The following ADH1C variants were observed in gnomAD, a reference collection of about 807,000 sequenced individuals.
The protein encoded by ADH1C is alcohol dehydrogenase 1C.
A neutral mutation model predicts 35.0 loss-of-function variants in ADH1C; 26 were observed. The observed-to-expected ratio is 0.74, with a 90% CI of 0.54 to 1.03. The LOEUF is 1.03. Among genes scored for constraint, ADH1C ranks in the 50% least tolerant of loss-of-function variants. ADH1C has a pLI of 0.00. For synonymous variants in ADH1C, 170 were observed against 169.3 expected, an observed-to-expected ratio of 1.00 and a Z score of -0.03; for missense variants, 413 against 465.4, an observed-to-expected ratio of 0.89 and a Z score of 1.04.
intron 1 of ADH1C, among the ~76,000 whole-genome samples, chr4:99,352,138 G>T (rs1399090810): frequency 6.6e-5 from 10 of 152,160 alleles, no homozygotes; most frequent in Non-Finnish European, 4.4e-5. Context: ...TGAGTATTTT[G>T]TAAGATATTT....
At chr4:99,349,805 CTGTGTGTGTGTG>C (rs70956001) in intron 1 of ADH1C, among the ~76,000 whole-genome samples, 1 of 84,382 alleles carries the variant, frequency 1.2e-5, no homozygotes, top group African/African-American at 3.2e-5. Flanking sequence ...ATGTGTGTTT[CTGTGTGTGTGTG>C]TGTGTGTGTG....
chr4:99,352,126 AAT>A (rs1734691548), intron 1 of ADH1C, among the ~76,000 whole-genome samples: 1 of 152,250 alleles, frequency 6.6e-6, no homozygotes, highest in South Asian at 2.1e-4. Flanking sequence ...CTGTGAGATC[AAT>A]GAGTATTTTG....
chr4:99,347,612 G>C, intron 2 of ADH1C, 133 bp downstream of exon 2: 1 of 981,856 alleles, frequency 1.0e-6, no homozygotes, highest in Non-Finnish European at 1.4e-6. Context: ...TACTTTCCTT[G>C]ACAACAAATG....
Position 99,339,671 on chromosome 4 carries a change from T to A in ADH1C, c.1009A>T (p.Met337Leu). The A allele has an allele frequency of 6.2e-7, 1 of 1,611,980 alleles. No homozygotes were observed. Among genetic ancestry groups the A allele is most frequent in the South Asian group, 1.1e-5 (1 of 90,588 alleles). The stretch of plus-strand genomic sequence containing the variant: ...GCATCCAGTGAAAACTTCTTAGCCA[T>A]AAAGTCAGCCACAAGTTTGGGGACA... ...ESVPKLVADF[M>L]AKKFSLDALI... The change falls in exon 8 of 9, where the codon ATG becomes TTG. Residue 337 changes from methionine to leucine, a missense_variant. Met to Leu is a conservative substitution (Grantham distance 15). Coordinates refer to ENST00000515683, the MANE Select transcript of ADH1C (RefSeq NM_000669.5).
chr4:99,347,051 C>A lies in ADH1C; in HGVS notation c.214G>T (p.Gly72Cys), dbSNP rs751880475. The A allele has an allele frequency of 6.2e-7, 1 of 1,614,064 alleles. No homozygotes were observed. The highest frequency in any genetic ancestry group is 8.5e-7 in the Non-Finnish European group (1 of 1,180,006). The change falls in exon 3 of 9, where the codon GGC (glycine) becomes TGC (cysteine). Residue 72 changes from glycine to cysteine, a missense_variant. By Grantham distance (159) the Gly-to-Cys change is radical. Transcript: ENST00000515683. ...LPVILGHEAA[G>C]IVESVGEGVT... ...CCTTCTCCAACACTTTCCACGATGC[C>A]GGCTGCCTCATGGCCTAAAATCACA... is the stretch of plus-strand genomic sequence containing the variant.
At chr4:99,337,371 AGGACC>A (rs1231183151) in intron 8 of ADH1C, among the ~76,000 whole-genome samples, 21 of 152,164 alleles carry the variant, frequency 1.4e-4, no homozygotes, top group African/African-American at 5.1e-4. Flanking sequence ...TAATAAAGTT[AGGACC>A]ATGCTGGAGG....
Position 99,339,696 on chromosome 4 carries a change from AG to A in ADH1C, c.983del (p.Ser328LeufsTer19). 1 of 1,612,134 alleles carries A rather than the reference AG, an allele frequency of 6.2e-7. No individual in the cohort carries two copies. The highest frequency in any genetic ancestry group is 8.5e-7 in the Non-Finnish European group (1 of 1,179,308). The stretch of plus-strand genomic sequence containing the variant: ...TAAAGTCAGCCACAAGTTTGGGGAC[AG>A]ATTCTTTACTCTTAAAGCCTGAAAA... ...AIFGGFKSKE[S>X]VPKLVADFMA... On this transcript the variant is annotated frameshift_variant, in exon 8 of 9. Coordinates refer to ENST00000515683, the MANE Select transcript of ADH1C (RefSeq NM_000669.5). LOFTEE classifies it high-confidence loss of function.
intron 8 of ADH1C, among the ~76,000 whole-genome samples, chr4:99,338,142 G>C (rs1252337087): frequency 6.6e-6 from 1 of 151,292 alleles, no homozygotes; most frequent in Non-Finnish European, 1.5e-5. Flanking sequence ...AAGCATCCAA[G>C]TCACCTTACT....
At chr4:99,351,549 T>C (rs1339459383) in intron 1 of ADH1C, among the ~76,000 whole-genome samples, 1 of 152,258 alleles carries the variant, frequency 6.6e-6, no homozygotes, top group Non-Finnish European at 1.5e-5. Flanking sequence ...TAAATTTAAA[T>C]TTTCTTTTTT....
chr4:99,345,245 A>G lies in ADH1C; in HGVS notation c.281T>C (p.Phe94Ser), dbSNP rs1734505199. 1 of 1,613,886 alleles carries G rather than the reference A, an allele frequency of 6.2e-7. No individual in the cohort carries two copies. Among genetic ancestry groups the G allele is most frequent in the African/African-American group, 1.3e-5 (1 of 74,928 alleles). Reference sequence around the variant, plus strand: ...TCTGCATTTTCCACACTGAGGAGTAAAGAGCGGGATGACTTTATCACCTGC... The same window carrying G: ...TCTGCATTTTCCACACTGAGGAGTAGAGAGCGGGATGACTTTATCACCTGC... The part of the protein sequence containing the change: ...VKPGDKVIPL[F>S]TPQCGKCRIC... The change falls in exon 4 of 9, where the codon TTT (phenylalanine) becomes TCT (serine). Residue 94 changes from phenylalanine (F) to serine (S), a missense_variant. Physicochemically the swap from Phe to Ser is radical, Grantham distance 155 (BLOSUM62 -2). Coordinates refer to ENST00000515683, the MANE Select transcript of ADH1C (RefSeq NM_000669.5).
At chr4:99,341,563 C>T (rs767421208) in intron 6 of ADH1C, among the ~76,000 whole-genome samples, 1 of 152,142 alleles carries the variant, frequency 6.6e-6, no homozygotes, top group Admixed American at 6.5e-5. Flanking sequence ...TCTCTTGATA[C>T]TTTATTCCTC....
At chr4:99,349,245 G>A (rs1471820156) in intron 1 of ADH1C, among the ~76,000 whole-genome samples, 2 of 147,662 alleles carry the variant, frequency 1.4e-5, no homozygotes, top group Non-Finnish European at 3.0e-5. Flanking sequence ...TTCTTCTAGG[G>A]TTTTTATGGT....
intron 1 of ADH1C, 139 bp from the exon 2 acceptor site, chr4:99,347,985 G>A (rs888784863): frequency 1.2e-5 from 11 of 883,348 alleles, no homozygotes; most frequent in Non-Finnish European, 1.9e-5. Flanking sequence ...GAAGTCCTCT[G>A]GTTTATAAAG....
intron 1 of ADH1C, among the ~76,000 whole-genome samples, chr4:99,350,005 C>A (rs1340178948): frequency 6.6e-6 from 1 of 152,156 alleles, no homozygotes; most frequent in Non-Finnish European, 1.5e-5. Flanking sequence ...TCACTGAGCT[C>A]TTTCTTTACA....
At chr4:99,344,716 T>A in intron 5 of ADH1C, 146 bp downstream of exon 5, 1 of 999,508 alleles carries the variant, frequency 1.0e-6, no homozygotes, top group Non-Finnish European at 1.5e-6. Context: ...TAGCCTGTGC[T>A]CTCAGTTCTT....
At chr4:99,346,140 T>C (rs1445200870) in intron 3 of ADH1C, among the ~76,000 whole-genome samples, 1 of 152,152 alleles carries the variant, frequency 6.6e-6, no homozygotes, top group Non-Finnish European at 1.5e-5. Context: ...TTGGCTAAAG[T>C]GATTCTTTAA....
chr4:99,340,902 T>G (rs1734400246), intron 6 of ADH1C, among the ~76,000 whole-genome samples, 192 bp from the exon 7 acceptor site: 1 of 152,142 alleles, frequency 6.6e-6, no homozygotes, highest in Non-Finnish European at 1.5e-5. Flanking sequence ...CAGAAAATGG[T>G]TTTTGAATGA....
chr4:99,345,098 A>G lies in ADH1C; in HGVS notation c.348-17T>C. The G allele has an allele frequency of 6.2e-7, 1 of 1,614,186 alleles. No homozygotes were observed. Among genetic ancestry groups the G allele is most frequent in the Non-Finnish European group, 8.5e-7 (1 of 1,179,998 alleles). Reference sequence around the variant, plus strand: ...TTGCCTAGACTGGGCAGTGCAATACAAAGACACACAAAGGCATGAGACAGG... The same window carrying G: ...TTGCCTAGACTGGGCAGTGCAATACGAAGACACACAAAGGCATGAGACAGG... On this transcript the variant is annotated splice_polypyrimidine_tract_variant and intron_variant, in intron 4 of 8. Coordinates refer to ENST00000515683, the MANE Select transcript of ADH1C (RefSeq NM_000669.5).
At chr4:99,348,194 T>C (rs1243418875) in intron 1 of ADH1C, among the ~76,000 whole-genome samples, 1 of 151,888 alleles carries the variant, frequency 6.6e-6, no homozygotes, top group Non-Finnish European at 1.5e-5. Flanking sequence ...GTTACATATG[T>C]ATATATGTGC....
Sources: allele counts gnomAD v4.1 joint callset (sites outside exome capture counted in the v4.1 genomes callset), GRCh38; gene constraint gnomAD v4.1.1; transcripts MANE v1.5; gene names NCBI Gene and HGNC (gene_info 2026-07-23, HGNC 2026-07-21).